PLAC8L1: variants seen among roughly 807,000 people sequenced by gnomAD.
PLAC8L1 encodes PLAC8 like 1.
In PLAC8L1, 13 loss-of-function variants were observed where a neutral mutation model predicts 16.3. That is an observed-to-expected ratio of 0.80 (90% CI 0.52 to 1.27). The LOEUF is 1.27. Among genes scored for constraint, PLAC8L1 ranks in the 50% most tolerant of loss-of-function variants. The probability of loss-of-function intolerance (pLI) is 0.00; values close to 1 mark genes in which losing one functional copy is unlikely to be tolerated. For synonymous variants in PLAC8L1, 78 were observed against 79.3 expected, an observed-to-expected ratio of 0.98 and a Z score of 0.09; for missense variants, 184 against 220.2, an observed-to-expected ratio of 0.84 and a Z score of 1.04.
rs201342019 is a variant in PLAC8L1, at chr5:146,085,441, A to G, written c.393+20T>C. The G allele has an allele frequency of 5.2e-4, 840 of 1,612,090 alleles. 1 individual carries two copies. Among genetic ancestry groups the G allele is most frequent in the Non-Finnish European group, 6.7e-4 (787 of 1,178,822 alleles). On this transcript the variant is annotated intron_variant, in intron 3 of 3. Transcript: ENST00000311450. ...TTTTCATACAGATTCGGGTTCACGT[A>G]TACCTTCAAACACACTTACCTGTAT...
chr5:146,089,468 AT>A (rs1444109345), intron 2 of PLAC8L1, among the ~76,000 whole-genome samples: 1 of 152,068 alleles, frequency 6.6e-6, no homozygotes, highest in Non-Finnish European at 1.5e-5. Context: ...TCTTATCCCC[AT>A]TTTACAGATG....
intron 1 of PLAC8L1, chr5:146,103,607 C>T: frequency 2.1e-6 from 2 of 952,486 alleles, no homozygotes; most frequent in Non-Finnish European, 2.5e-6. Flanking sequence ...GTGATCCTAA[C>T]CCTCAGAAGG....
chr5:146,088,528 G>C lies in PLAC8L1; in HGVS notation c.257-2931C>G, dbSNP rs116803065. On this transcript the variant is annotated intron_variant, in intron 2 of 3. Transcript: ENST00000311450. ...AAAAAACTAGGAATTCTGTATCTTA[G>C]ACTCTCCAAGGCTCCAGGACTCTGG... Among the ~76,000 whole-genome samples the C allele has an allele frequency of 2.5e-3, 378 of 152,272 alleles. 3 individuals are homozygous for C. Among genetic ancestry groups the C allele is most frequent in the African/African-American group, 8.6e-3 (356 of 41,560 alleles).
At chr5:146,094,294 G>A (rs1033686870) in intron 2 of PLAC8L1, among the ~76,000 whole-genome samples, 8 of 152,062 alleles carry the variant, frequency 5.3e-5, no homozygotes, top group Non-Finnish European at 1.0e-4. Flanking sequence ...GTTGGCTATG[G>A]TTGGTCTCAA....
At chr5:146,087,003 AG>A (rs1763527236) in intron 2 of PLAC8L1, among the ~76,000 whole-genome samples, 1 of 152,166 alleles carries the variant, frequency 6.6e-6, no homozygotes, top group African/African-American at 2.4e-5. Flanking sequence ...CTCTCACCCC[AG>A]AGCTCCTGTG....
At chr5:146,084,633 G>A in intron 3 of PLAC8L1, 61 bp from the exon 4 acceptor site, 1 of 1,593,874 alleles carries the variant, frequency 6.3e-7, no homozygotes, top group Non-Finnish European at 8.5e-7. Context: ...CTTCCCCAGG[G>A]TCCTGTACAA....
intron 2 of PLAC8L1, among the ~76,000 whole-genome samples, chr5:146,086,828 T>C (rs1763524203): frequency 6.6e-6 from 1 of 152,212 alleles, no homozygotes; most frequent in Non-Finnish European, 1.5e-5. Flanking sequence ...ATTAGGACTG[T>C]GAAACAGCAA....
intron 2 of PLAC8L1, among the ~76,000 whole-genome samples, chr5:146,092,464 T>C (rs1459340693): frequency 1.3e-5 from 2 of 151,750 alleles, no homozygotes; most frequent in Admixed American, 6.6e-5. Context: ...CTGGAAACCA[T>C]ATAAAGGTCC....
intron 1 of PLAC8L1, among the ~76,000 whole-genome samples, chr5:146,099,225 G>A (rs1763766865): frequency 1.3e-5 from 2 of 152,156 alleles, no homozygotes; most frequent in African/African-American, 4.8e-5. Context: ...CCTGTGCAGT[G>A]TGGTAATTAT....
intron 1 of PLAC8L1, among the ~76,000 whole-genome samples, chr5:146,102,239 G>A (rs1362769065): frequency 6.6e-6 from 1 of 151,708 alleles, no homozygotes; most frequent in Non-Finnish European, 1.5e-5. Flanking sequence ...TTAATTTTTT[G>A]TAGAGATAGG....
chr5:146,093,835 T>C (rs1763664671), intron 2 of PLAC8L1, among the ~76,000 whole-genome samples: 1 of 152,178 alleles, frequency 6.6e-6, no homozygotes, highest in South Asian at 2.1e-4. Flanking sequence ...GGGTATCTAC[T>C]AGTTCCTAGT....
rs200370371 is a variant in PLAC8L1 at position 146,084,388 on chromosome 5, G to C, written c.*44C>G. 3 of 1,596,530 alleles carry C rather than the reference G, an allele frequency of 1.9e-6. No individual in the cohort carries two copies. The highest frequency in any genetic ancestry group is 3.4e-5 in the Admixed American group (2 of 58,088). On this transcript the variant is annotated 3_prime_UTR_variant, in exon 4 of 4. Coordinates refer to ENST00000311450, the MANE Select transcript of PLAC8L1 (RefSeq NM_001029869.3). Reference sequence around the variant, plus strand: ...AAGCAATTGTTCCACTGAGAGGTTTGAGAGGAGGGTGTTGGGGAGTAAGGA... The same window carrying C: ...AAGCAATTGTTCCACTGAGAGGTTTCAGAGGAGGGTGTTGGGGAGTAAGGA...
intron 1 of PLAC8L1, among the ~76,000 whole-genome samples, chr5:146,102,040 CTT>C (rs36011275): frequency 1.9e-4 from 25 of 130,468 alleles, no homozygotes; most frequent in African/African-American, 3.1e-4. Context: ...TGTGTTTACC[CTT>C]TTTTTTTTTT....
chr5:146,095,958 A>G (rs1763712079), intron 2 of PLAC8L1, among the ~76,000 whole-genome samples: 1 of 152,196 alleles, frequency 6.6e-6, no homozygotes. Context: ...AATGAAATTC[A>G]ATGTTGGCTT....
chr5:146,091,442 T>C (rs1763616046), intron 2 of PLAC8L1, among the ~76,000 whole-genome samples: 3 of 152,072 alleles, frequency 2.0e-5, no homozygotes, highest in Non-Finnish European at 4.4e-5. Context: ...TTTAAAAAAA[T>C]CAAACTGCAT....
chr5:146,101,643 A>G (rs1383059489), intron 1 of PLAC8L1, among the ~76,000 whole-genome samples: 2 of 152,180 alleles, frequency 1.3e-5, no homozygotes, highest in Non-Finnish European at 2.9e-5. Flanking sequence ...CTCTTCTGTT[A>G]TATTTGAGTC....
chr5:146,094,752 A>G lies in PLAC8L1; in HGVS notation c.256+3404T>C, dbSNP rs79164422. On this transcript the variant is annotated intron_variant, in intron 2 of 3. Coordinates refer to ENST00000311450, the MANE Select transcript of PLAC8L1 (RefSeq NM_001029869.3). Reference sequence around the variant, plus strand: ...AGCACAGAGGTGGGAAGAAGGAAGCACTTAAAATACATAATTACAATAAAA... The same window carrying G: ...AGCACAGAGGTGGGAAGAAGGAAGCGCTTAAAATACATAATTACAATAAAA... Among the ~76,000 whole-genome samples, 527 of 152,376 alleles carry G rather than the reference A, an allele frequency of 3.5e-3. 2 individuals carry two copies. Among genetic ancestry groups the G allele is most frequent in the African/African-American group, 0.012 (513 of 41,598 alleles).
At chr5:146,100,062 T>G (rs1273615725) in intron 1 of PLAC8L1, among the ~76,000 whole-genome samples, 1 of 152,200 alleles carries the variant, frequency 6.6e-6, no homozygotes, top group Non-Finnish European at 1.5e-5. Flanking sequence ...AGGTAATTTT[T>G]AAGCACTCAT....
chr5:146,098,098 C>G (rs1266127010), intron 2 of PLAC8L1, 58 bp downstream of exon 2: 11 of 1,554,622 alleles, frequency 7.1e-6, no homozygotes, highest in Non-Finnish European at 9.6e-6. Context: ...TTTCCACTCA[C>G]TGATGTCCTG....
Sources: gnomAD v4.1 joint callset for allele counts (sites outside exome capture counted in the v4.1 genomes callset) on GRCh38, gnomAD v4.1.1 for gene constraint, MANE v1.5 for transcripts, NCBI Gene and HGNC (gene_info 2026-07-23, HGNC 2026-07-21) for gene names.